WDR90: variants seen among roughly 807,000 people sequenced by gnomAD.
WDR90 encodes WD repeat domain 90, also known as WD repeat-containing protein 90.
In WDR90, 238 loss-of-function variants were observed where a neutral mutation model predicts 195.2. The observed-to-expected ratio is 1.22, with a 90% CI of 1.10 to 1.36. WDR90 has a LOEUF of 1.36. WDR90 is among the 40% of genes most tolerant of loss of function. WDR90 has a pLI of 0.00. For synonymous variants in WDR90, 1,265 were observed against 1,052.4 expected, an observed-to-expected ratio of 1.20 and a Z score of -3.91; for missense variants, 2,734 against 2,439.5, an observed-to-expected ratio of 1.12 and a Z score of -2.54.
chr16:652,332 C>A, intron 9 of WDR90, 135 bp from the exon 10 acceptor site: 1 of 1,084,150 alleles, frequency 9.2e-7, no homozygotes, highest in South Asian at 1.6e-5. Context: ...CCACAGCCAG[C>A]AGGAGCCACC....
In WDR90 at chr16:656,509, G is replaced by A. The variant is rs776686891; in HGVS notation, c.2174G>A (p.Arg725His). The A allele has an allele frequency of 1.6e-5, 25 of 1,574,244 alleles. No homozygotes were observed. Among genetic ancestry groups the A allele is most frequent in the African/African-American group, 1.5e-4 (11 of 74,190 alleles). ...LATVSQDRTV[R>H]IWDLATLQQL... ...ACCGTGTCCCAGGACCGTACCGTCC[G>A]CATCTGGGACCTGGCCACCCTGCAG... Residue 725 changes from arginine (R) to histidine (H), a missense_variant, in exon 18 of 41, where the codon CGC becomes CAC. Transcript: ENST00000293879.
Position 665,808 on chromosome 16 carries a change from G to A in WDR90, c.4434+7G>A. On this transcript the variant is annotated splice_region_variant and intron_variant, in intron 35 of 40. Coordinates refer to ENST00000293879, the MANE Select transcript of WDR90 (RefSeq NM_145294.5). ...GTTCCAGGTGCTGAACCAGGTGTGT[G>A]GGGAGTGCCCGGGCCGGGGGCGGGA... 1 of 1,579,646 alleles carries A rather than the reference G, an allele frequency of 6.3e-7. No individual in the cohort carries two copies. The highest frequency in any genetic ancestry group is 8.6e-7 in the Non-Finnish European group (1 of 1,159,160).
At position 661,903 on chromosome 16, in the gene WDR90, C is replaced by G. The variant is rs988269325; in HGVS notation, c.3877C>G (p.Pro1293Ala). The change falls in exon 32 of 41, where the codon CCA becomes GCA. Residue 1293 changes from proline (P) to alanine (A), a missense_variant. Coordinates refer to ENST00000293879, the MANE Select transcript of WDR90 (RefSeq NM_145294.5). ...ADISLQVRRE[P>A]VPEAVGAGEL... ...CATACTTTGCCAGGTGCGTCGAGAG[C>G]CAGTCCCAGAGGCAGTGGGGGCTGG... 6.2e-7 allele frequency: 1 copy of G among 1,609,246 alleles called. No homozygotes were observed. The highest frequency in any genetic ancestry group is 1.3e-5 in the African/African-American group (1 of 74,886).
At chr16:654,387 T>TC (rs1208647812) in intron 13 of WDR90, 2 of 151,220 alleles carry the variant, frequency 1.3e-5, no homozygotes, top group East Asian at 3.9e-4. Flanking sequence ...ACTTTTTTTT[T>TC]TTTTTTTTTT....
In WDR90 at chr16:661,320, C is replaced by G. The variant is rs746306744; in HGVS notation, c.3514-22C>G. The G allele has an allele frequency of 1.9e-6, 3 of 1,579,080 alleles. No individual in the cohort carries two copies. The African/African-American group carries it at 4.0e-5, about 21-fold the overall frequency. On this transcript the variant is annotated intron_variant, in intron 29 of 40. Coordinates refer to ENST00000293879, the MANE Select transcript of WDR90 (RefSeq NM_145294.5). ...CAGCCAGCCACGGCCTCCCCACTCACGCCTGGCCTCTTGCCTGCCAGGTCC... is the reference window on the plus strand; with the variant it reads ...CAGCCAGCCACGGCCTCCCCACTCAGGCCTGGCCTCTTGCCTGCCAGGTCC...
At chr16:658,091 G>C in intron 21 of WDR90, 92 bp from the exon 22 acceptor site, 1 of 1,512,308 alleles carries the variant, frequency 6.6e-7, no homozygotes, top group South Asian at 1.3e-5. Flanking sequence ...TGCCGAGTGC[G>C]TGTCCCCGGG....
At chr16:664,535 C>G (rs2037984197) in intron 34 of WDR90, among the ~76,000 whole-genome samples, 1 of 152,302 alleles carries the variant, frequency 6.6e-6, no homozygotes, top group African/African-American at 2.4e-5. Context: ...GCGAGGAATT[C>G]TGGGCCCCGC....
chr16:661,597 G>A lies in WDR90; in HGVS notation c.3674G>A (p.Gly1225Glu), dbSNP rs751264934. Residue 1225 changes from glycine (G) to glutamate (E), a missense_variant and splice_region_variant, in exon 31 of 41, where the codon GGG (glycine) becomes GAG (glutamate). Coordinates refer to ENST00000293879, the MANE Select transcript of WDR90 (RefSeq NM_145294.5). Reference sequence around the variant, plus strand: ...CGTGGCTGCTCTGTGTCCTTCCCAGGGGACCACGATGGCCGCACCCTCGCC... The same window carrying A: ...CGTGGCTGCTCTGTGTCCTTCCCAGAGGACCACGATGGCCGCACCCTCGCC... ...SPDDRLLVTL[G>E]DHDGRTLALW... 4.7e-5 allele frequency: 75 copies of A among 1,586,924 alleles called. No individual in the cohort carries two copies. Among genetic ancestry groups the A allele is most frequent in the Non-Finnish European group, 6.3e-5 (73 of 1,164,416 alleles).
intron 13 of WDR90, 30 bp downstream of exon 13, chr16:653,833 G>A: frequency 6.2e-7 from 1 of 1,612,174 alleles, no homozygotes; most frequent in Non-Finnish European, 8.5e-7. Flanking sequence ...GGGTTGGGGT[G>A]GGGCTGTCCT....
At position 653,600 on chromosome 16, in the gene WDR90, C is replaced by T; in HGVS notation, c.1309C>T (p.Leu437Phe). Residue 437 changes from leucine to phenylalanine, a missense_variant, in exon 12 of 41, where the codon CTC becomes TTC. Physicochemically the swap from Leu to Phe is conservative, Grantham distance 22. Transcript: ENST00000293879. ...GGCAAGGGCCCCTAGTGTGATGCGG[C>T]TCTGGGACTTCCAGACCGGGCGGTG... ...AQARAPSVMR[L>F]WDFQTGRCLC... 1 of 1,613,548 alleles carries T rather than the reference C, an allele frequency of 6.2e-7. No homozygotes were observed. The highest frequency in any genetic ancestry group is 8.5e-7 in the Non-Finnish European group (1 of 1,180,014).
chr16:660,145 GC>G lies in WDR90; in HGVS notation c.3277del (p.His1093ThrfsTer18). 2.0e-6 allele frequency: 3 copies of G among 1,535,766 alleles called. No homozygotes were observed. The highest frequency in any genetic ancestry group is 1.8e-6 in the Non-Finnish European group (2 of 1,137,220). ...TTCACGCCTGCCAGGGTCAGCTGCA[GC>G]CCCCACTCTGCCAAGGTGGGGAGTG... ...KAFTPARVSC[S>X]PHSAKGTCPP... On this transcript the variant is annotated frameshift_variant, in exon 27 of 41. Transcript: ENST00000293879. LOFTEE classifies it high-confidence loss of function.
chr16:653,126 G>GC (rs1469172713), intron 10 of WDR90, among the ~76,000 whole-genome samples: 1 of 152,204 alleles, frequency 6.6e-6, no homozygotes, highest in Non-Finnish European at 1.5e-5. Context: ...GAGTGTTCCA[G>GC]CTGTTCTTTT....
rs1310704042 is a variant in WDR90, at chr16:660,046, C to T, written c.3185-12C>T. 7 of 1,535,912 alleles carry T rather than the reference C, an allele frequency of 4.6e-6. No individual in the cohort carries two copies. In the South Asian group the frequency reaches 8.4e-5, roughly 18 times the overall value. On this transcript the variant is annotated splice_polypyrimidine_tract_variant and intron_variant, in intron 26 of 40. Transcript: ENST00000293879. ...CAGTGTAATGCCACAAGCTCTGCCTCCTCCCTGCCAGGCGCCAGGGACACC... is the reference window on the plus strand; with the variant it reads ...CAGTGTAATGCCACAAGCTCTGCCTTCTCCCTGCCAGGCGCCAGGGACACC...
chr16:661,660 C>G lies in WDR90; in HGVS notation c.3737C>G (p.Thr1246Ser), dbSNP rs1196291832. The change falls in exon 31 of 41, where the codon ACC becomes AGC. Residue 1246 changes from threonine to serine, a missense_variant. Thr to Ser is a moderately conservative substitution (Grantham distance 58). Transcript: ENST00000293879. ...GCCACCTATGACCTCGTGTCCTCCA[C>G]CCGCCTCCCGGAGCCGGTGCATGGT... ...GTATYDLVSS[T>S]RLPEPVHGVA... 1 of 1,611,076 alleles carries G rather than the reference C, an allele frequency of 6.2e-7. No homozygotes were observed. Among genetic ancestry groups the G allele is most frequent in the African/African-American group, 1.3e-5 (1 of 74,930 alleles).
chr16:652,666 G>A, intron 10 of WDR90, 131 bp downstream of exon 10: 2 of 999,300 alleles, frequency 2.0e-6, no homozygotes, highest in South Asian at 3.0e-5. Context: ...CCCTGGCACA[G>A]CGGTCCCGTC....
intron 27 of WDR90, 45 bp from the exon 28 acceptor site, chr16:660,567 T>G: frequency 1.3e-6 from 2 of 1,534,480 alleles, no homozygotes; most frequent in Non-Finnish European, 1.8e-6. Flanking sequence ...GGGGCACAGG[T>G]GGCCATGCTG....
In WDR90 at chr16:650,367, C is replaced by A; in HGVS notation, c.388+5C>A. On this transcript the variant is annotated splice_donor_5th_base_variant and intron_variant, in intron 4 of 40. Coordinates refer to ENST00000293879, the MANE Select transcript of WDR90 (RefSeq NM_145294.5). ...AGGCCAGGACACCTCAGAGAGGTGA[C>A]ACCAAGATGGGGTGTGGATGATCCA... 2 of 1,611,392 alleles carry A rather than the reference C, an allele frequency of 1.2e-6. No individual in the cohort carries two copies. Among genetic ancestry groups the A allele is most frequent in the Non-Finnish European group, 1.7e-6 (2 of 1,178,698 alleles).
In WDR90 at chr16:651,439, C is replaced by G. The variant is rs183505873; in HGVS notation, c.736+173C>G. 1.7e-3 allele frequency among the ~76,000 whole-genome samples: 256 copies of G among 152,220 alleles called. 1 individual carries two copies. The highest frequency in any genetic ancestry group is 5.9e-3 in the African/African-American group (247 of 41,516). ...TCCCAGAACCACGAGGGTGGGAAGT[C>G]TGTGTGAGGGGTACCCGGGGGCCCC... On this transcript the variant is annotated intron_variant, in intron 7 of 40. Transcript: ENST00000293879.
chr16:650,931 G>T, intron 5 of WDR90, 64 bp from the exon 6 acceptor site: 1 of 1,576,558 alleles, frequency 6.3e-7, no homozygotes. Flanking sequence ...GTGCCTTGGC[G>T]GGTGCCCTGT....
Sources: gnomAD v4.1 joint callset for allele counts (sites outside exome capture counted in the v4.1 genomes callset) on GRCh38, gnomAD v4.1.1 for gene constraint, MANE v1.5 for transcripts, NCBI Gene and HGNC (gene_info 2026-07-23, HGNC 2026-07-21) for gene names.